The following SRRT variants were observed in gnomAD, a reference collection of about 807,000 sequenced individuals.
SRRT encodes the protein serrate, RNA effector molecule, also known as serrate RNA effector molecule homolog.
In SRRT, 32 loss-of-function variants were observed where a neutral mutation model predicts 103.2. The ratio of observed to expected loss-of-function variants is 0.31; its 90% confidence interval spans 0.23 to 0.42. The LOEUF (loss-of-function observed/expected upper bound fraction) is 0.42, where lower values mean the gene tolerates loss of function less well. Ranked by LOEUF, SRRT falls within the 10% of genes least tolerant of loss-of-function variation. The pLI is 1.00. For synonymous variants in SRRT, 525 were observed against 449.0 expected, an observed-to-expected ratio of 1.17 and a Z score of -2.14; for missense variants, 986 against 1,207.5, an observed-to-expected ratio of 0.82 and a Z score of 2.72.
At position 100,888,497 on chromosome 7, in the gene SRRT, C is replaced by T; in HGVS notation, c.2579C>T (p.Ala860Val). Residue 860 changes from alanine (A) to valine (V), a missense_variant, in exon 20 of 20, where the codon GCC (alanine) becomes GTC (valine). Around this residue, in one of 6 missense-constraint regions of SRRT, gnomAD observed 178 missense variants for 189.6 expected, o/e 0.94. Transcript: ENST00000611405. The stretch of plus-strand genomic sequence containing the variant: ...AGGATGGTTCGTGGAGACCCAAGGG[C>T]CATTGTGGAATATCGGGACCTGGAT... ...RNRMVRGDPR[A>V]IVEYRDLDAP... The T allele has an allele frequency of 6.2e-7, 1 of 1,614,162 alleles. No homozygotes were observed. Among genetic ancestry groups the T allele is most frequent in the South Asian group, 1.1e-5 (1 of 91,080 alleles).
Position 100,881,821 on chromosome 7 carries a change from C to A in SRRT, c.398+16C>A. 1 of 1,587,156 alleles carries A rather than the reference C, an allele frequency of 6.3e-7. No homozygotes were observed. The highest frequency in any genetic ancestry group is 1.3e-5 in the African/African-American group (1 of 74,254). On this transcript the variant is annotated intron_variant, in intron 4 of 19. Transcript: ENST00000611405. ...TCCAGGCCAGGTAAGGGTGGGGCTT[C>A]TCAGAAGAGGGTTGGTAGGCCTGGG...
rs1790031192 is a variant in SRRT, at chr7:100,885,772, T to TCG, written c.1379+11_1379+12dup. On this transcript the variant is annotated intron_variant, in intron 11 of 19. Coordinates refer to ENST00000611405, the MANE Select transcript of SRRT (RefSeq NM_015908.6). This position sits in a 1 kb window ranked among gnomAD's most constrained non-coding sequence, Gnocchi z 4.8. ...CCCAGCCAGAGAGGAGGTGAGTAAC[T>TCG]CGGTGCGTTGGAGGGAAAAGTGCAG... 6.2e-7 allele frequency: 1 copy of TCG among 1,614,020 alleles called. No homozygotes were observed. Among genetic ancestry groups the TCG allele is most frequent in the Non-Finnish European group, 8.5e-7 (1 of 1,180,020 alleles).
In SRRT at chr7:100,887,907, C is replaced by T. The variant is rs959220148; in HGVS notation, c.2326+48C>T. On this transcript the variant is annotated intron_variant, in intron 17 of 19. Transcript: ENST00000611405. This position sits in a 1 kb window ranked among gnomAD's most constrained non-coding sequence, Gnocchi z 4.1. The stretch of plus-strand genomic sequence containing the variant: ...CGCATGTGCCCTCTTCCTTGACTAC[C>T]CAGGGACTCCTGTTTCTCTTTAACG... The T allele has an allele frequency of 5.1e-6, 8 of 1,572,942 alleles. No individual in the cohort carries two copies. The African/African-American group carries it at 6.8e-5, about 13-fold the overall frequency.
intron 5 of SRRT, chr7:100,883,219 A>T: frequency 6.6e-6 from 1 of 152,350 alleles, no homozygotes. Flanking sequence ...CAGCACCTTC[A>T]TTCTTCTCTG....
intron 2 of SRRT, among the ~76,000 whole-genome samples, chr7:100,876,822 G>T (rs1815757600): frequency 6.6e-6 from 1 of 152,180 alleles, no homozygotes; most frequent in South Asian, 2.1e-4. Flanking sequence ...GCTGGAGGTT[G>T]TGTGTCAGGG....
At position 100,885,066 on chromosome 7, in the gene SRRT, T is replaced by TG; in HGVS notation, c.1159+27dup. The TG allele has an allele frequency of 1.2e-6, 2 of 1,613,144 alleles. No individual in the cohort carries two copies. The highest frequency in any genetic ancestry group is 1.7e-6 in the Non-Finnish European group (2 of 1,179,822). ...GTAGGGTTTCTTTTCTGCTTTAAAG[T>TG]GCGTTCTCCTAATGCGGGTGGGGAG... On this transcript the variant is annotated intron_variant, in intron 9 of 19. Coordinates refer to ENST00000611405, the MANE Select transcript of SRRT (RefSeq NM_015908.6). This position sits in a 1 kb window ranked among gnomAD's most constrained non-coding sequence, Gnocchi z 4.8.
chr7:100,881,219 G>C, intron 2 of SRRT, 66 bp from the exon 3 acceptor site: 5 of 1,553,254 alleles, frequency 3.2e-6, no homozygotes, highest in Non-Finnish European at 4.4e-6. Context: ...CCTCAAAAGT[G>C]CTTGGATTAC....
In SRRT at chr7:100,886,833, C is replaced by T. The variant is rs367847663; in HGVS notation, c.1686C>T (p.Thr562=). Reference sequence around the variant, plus strand: ...AAAACCCGATCTTGAAGAATATCACCGACTACCTGATCGAGGAAGTAAGCG... The same window carrying T: ...AAAACCCGATCTTGAAGAATATCACTGACTACCTGATCGAGGAAGTAAGCG... The part of the protein sequence containing the change: ...PSQNPILKNI[T]DYLIEEVSAE... The change falls in exon 14 of 20, where the codon ACC becomes ACT. Residue 562 remains threonine, a synonymous_variant. Transcript: ENST00000611405. 2.7e-5 allele frequency: 44 copies of T among 1,614,154 alleles called. No homozygotes were observed. The highest frequency in any genetic ancestry group is 3.3e-4 in the Middle Eastern group (2 of 6,062).
chr7:100,877,226 T>C (rs1463003123), intron 2 of SRRT, among the ~76,000 whole-genome samples: 1 of 150,944 alleles, frequency 6.6e-6, no homozygotes, highest in Non-Finnish European at 1.5e-5. Flanking sequence ...ATTGAGACCA[T>C]CCTGGCCAAC....
chr7:100,876,759 GTTATAAAGAGGGTAAGCA>G (rs1171645559), intron 2 of SRRT, among the ~76,000 whole-genome samples: 1 of 152,102 alleles, frequency 6.6e-6, no homozygotes, highest in Non-Finnish European at 1.5e-5. Flanking sequence ...TATAGTGGAA[GTTATAAAGAGGGTAAGCA>G]TTGAGGGAAC....
At position 100,886,887 on chromosome 7, in the gene SRRT, C is replaced by T. The variant is rs147125775; in HGVS notation, c.1740C>T (p.Ser580=). The T allele has an allele frequency of 2.0e-5, 32 of 1,614,090 alleles. 1 individual carries two copies. The Middle Eastern group carries it at 4.9e-4, about 25-fold the overall frequency. The change falls in exon 14 of 20, where the codon AGC becomes AGT. Residue 580 remains serine, a synonymous_variant. Transcript: ENST00000611405. Reference sequence around the variant, plus strand: ...AGGAGGAGGAGCTGCTGGGGAGCAGCGGGGGCGCTCCTCCTGAGGAGCCTC... The same window carrying T: ...AGGAGGAGGAGCTGCTGGGGAGCAGTGGGGGCGCTCCTCCTGAGGAGCCTC... ...SAEEEELLGS[S]GGAPPEEPPK... is the part of the protein sequence containing the mutation.
Position 100,884,814 on chromosome 7 carries a change from A to C in SRRT, c.1017A>C (p.Glu339Asp), listed in dbSNP as rs147090333. The change falls in exon 8 of 20, where the codon GAA becomes GAC. Residue 339 changes from glutamate (E) to aspartate (D), a missense_variant. Physicochemically the swap from Glu to Asp is conservative, Grantham distance 45. This residue lies in a region of SRRT where 166 missense variants were observed against 148.6 expected (regional missense o/e 1.12). Transcript: ENST00000611405. Reference sequence around the variant, plus strand: ...ATGGGGACAAGGAAGAGAAGAAAGAAGACTCCGAGAAGGAAGCCAAAAAGG... The same window carrying C: ...ATGGGGACAAGGAAGAGAAGAAAGACGACTCCGAGAAGGAAGCCAAAAAGG... ...EGDGDKEEKKEDSEKEAKKSS... is the reference protein window; with the variant it reads ...EGDGDKEEKKDDSEKEAKKSS... The C allele has an allele frequency of 8.6e-4, 1,381 of 1,614,052 alleles. 1 individual carries two copies. The highest frequency in any genetic ancestry group is 1.1e-3 in the Non-Finnish European group (1,300 of 1,179,980).
chr7:100,877,345 C>G (rs1179676473), intron 2 of SRRT, among the ~76,000 whole-genome samples: 1 of 142,406 alleles, frequency 7.0e-6, no homozygotes, highest in African/African-American at 2.6e-5. Context: ...TGCTTGAACC[C>G]AGGAGGCACA....
Position 100,886,351 on chromosome 7 carries a change from C to A in SRRT, c.1563C>A (p.Ile521=), listed in dbSNP as rs751168051. Residue 521 remains isoleucine, a synonymous_variant, in exon 13 of 20, where the codon ATC becomes ATA. Transcript: ENST00000611405. The part of the protein sequence containing the change: ...TQHKQIVRND[I]KLAAKLIHTL... Reference sequence around the variant, plus strand: ...ACAAGCAGATTGTGCGCAACGACATCAAGCTGGCGGCCAAGCTGATCCACA... The same window carrying A: ...ACAAGCAGATTGTGCGCAACGACATAAAGCTGGCGGCCAAGCTGATCCACA... 6.2e-7 allele frequency: 1 copy of A among 1,613,660 alleles called. No homozygotes were observed. Among genetic ancestry groups the A allele is most frequent in the African/African-American group, 1.3e-5 (1 of 74,874 alleles).
intron 2 of SRRT, among the ~76,000 whole-genome samples, chr7:100,876,104 G>C (rs566608032): frequency 6.6e-6 from 1 of 152,164 alleles, no homozygotes; most frequent in African/African-American, 2.4e-5. Context: ...AGCCTCTTGA[G>C]AAGCTGGGAC....
In SRRT at chr7:100,885,887, C is replaced by G. The variant is rs371307249; in HGVS notation, c.1404C>G (p.Thr468=). ...GGTTTTTCCGTCGTGGCTGGGTGAC[C>G]TTCGACCGCAGTGTTAACATTAAAG... ...ERRFFRRGWV[T]FDRSVNIKEI... The change falls in exon 12 of 20, where the codon ACC becomes ACG. Residue 468 remains threonine, a synonymous_variant. Coordinates refer to ENST00000611405, the MANE Select transcript of SRRT (RefSeq NM_015908.6). The surrounding 1 kb of genome is among the most constrained non-coding windows in gnomAD (Gnocchi z 4.8). The G allele has an allele frequency of 2.7e-5, 43 of 1,613,964 alleles. 1 individual carries two copies. The highest frequency in any genetic ancestry group is 5.0e-5 in the Admixed American group (3 of 59,986).
In SRRT at chr7:100,875,290, C is replaced by G; in HGVS notation, c.-57C>G. The G allele has an allele frequency of 1.1e-6, 1 of 927,060 alleles. No homozygotes were observed. Among genetic ancestry groups the G allele is most frequent in the Non-Finnish European group, 1.4e-6 (1 of 710,954 alleles). The allele number at this position is 927,060 out of a possible 1,614,324, so 57.4% of individuals were successfully genotyped here. A position where few individuals can be genotyped will look rare whatever the true frequency, so the allele number is the denominator to read the frequency against. On this transcript the variant is annotated 5_prime_UTR_variant, in exon 1 of 20. Transcript: ENST00000611405. The stretch of plus-strand genomic sequence containing the variant: ...GACCCAGGTCGCCCTGAAATCTAGC[C>G]CGTCCGAGCGCGAGTCCAACGGCCG...
chr7:100,881,648 C>T lies in SRRT; in HGVS notation c.252-11C>T, dbSNP rs1233761738. The T allele has an allele frequency of 1.2e-6, 2 of 1,613,956 alleles. No homozygotes were observed. Among genetic ancestry groups the T allele is most frequent in the Admixed American group, 1.7e-5 (1 of 60,020 alleles). On this transcript the variant is annotated splice_polypyrimidine_tract_variant and intron_variant, in intron 3 of 19. Transcript: ENST00000611405. ...CCTTCTCTGCTTTACTTTTGTGTCCCCCACCTTCAGGGATGAGCACAGCTC... is the reference window on the plus strand; with the variant it reads ...CCTTCTCTGCTTTACTTTTGTGTCCTCCACCTTCAGGGATGAGCACAGCTC...
At chr7:100,883,316 T>C (rs543857342) in intron 5 of SRRT, among the ~76,000 whole-genome samples, 1 of 152,340 alleles carries the variant, frequency 6.6e-6, no homozygotes, top group South Asian at 2.1e-4. Context: ...TTTCCCTTTG[T>C]TTTCGGTTTC....
Sources: gnomAD v4.1 joint callset for allele counts (sites outside exome capture counted in the v4.1 genomes callset) on GRCh38, gnomAD v4.1.1 for gene constraint, gnomAD v4.1.1 regional missense constraint, Gnocchi (gnomAD v3.1) non-coding constraint, MANE v1.5 for transcripts, NCBI Gene and HGNC (gene_info 2026-07-23, HGNC 2026-07-21) for gene names.